PTCH2: variants seen among roughly 807,000 people sequenced by gnomAD.
The protein encoded by PTCH2 is patched 2, also known as protein patched homolog 2.
PTCH2 carries 96 observed loss-of-function variants against 117.9 expected under a neutral mutation model. The observed-to-expected ratio is 0.81, with a 90% CI of 0.69 to 0.96. The LOEUF is 0.96. Among genes scored for constraint, PTCH2 ranks in the 50% least tolerant of loss-of-function variants. The probability of loss-of-function intolerance (pLI) is 0.00; values close to 1 mark genes in which losing one functional copy is unlikely to be tolerated. For synonymous variants in PTCH2, 615 were observed against 660.9 expected, an observed-to-expected ratio of 0.93 and a Z score of 1.06; for missense variants, 1,379 against 1,562.5, an observed-to-expected ratio of 0.88 and a Z score of 1.98.
chr1:44,820,616 A>G, downstream of PTCH2: 1 of 694,616 alleles, frequency 1.4e-6, no homozygotes, highest in Non-Finnish European at 2.7e-6. Context: ...AGGGACCCGA[A>G]GACCAATTCA....
chr1:44,826,181 G>A lies in PTCH2; in HGVS notation c.3114+69C>T. On this transcript the variant is annotated intron_variant, in intron 19 of 21. Transcript: ENST00000372192. This position sits in a 1 kb window ranked among gnomAD's most constrained non-coding sequence, Gnocchi z 5.1. ...CTTAAATAGTACCTAGCACATAGTA[G>A]GGGCTTGAACAATATGTGTTGAATA... is the stretch of plus-strand genomic sequence containing the variant. The A allele has an allele frequency of 6.4e-7, 1 of 1,564,220 alleles. No homozygotes were observed. Among genetic ancestry groups the A allele is most frequent in the Non-Finnish European group, 8.7e-7 (1 of 1,150,376 alleles).
intron 2 of PTCH2, among the ~76,000 whole-genome samples, chr1:44,835,572 G>A (rs1002964445): frequency 2.0e-5 from 3 of 152,148 alleles, no homozygotes; most frequent in Non-Finnish European, 4.4e-5. Flanking sequence ...ACTCTTCGGG[G>A]GAAAGCAACA....
At chr1:44,841,641 A>G (rs1208574537) in intron 2 of PTCH2, among the ~76,000 whole-genome samples, 1 of 152,230 alleles carries the variant, frequency 6.6e-6, no homozygotes, top group Non-Finnish European at 1.5e-5. Context: ...TATACACCCA[A>G]TTCACAAGGT....
intron 11 of PTCH2, 55 bp downstream of exon 11, chr1:44,828,927 C>T (rs1653289849): frequency 4.6e-6 from 7 of 1,524,460 alleles, no homozygotes; most frequent in Non-Finnish European, 6.2e-6. Flanking sequence ...AACCAAGAGG[C>T]TCTTAACCAG....
At chr1:44,820,738 C>T, downstream of PTCH2, 1 of 718,192 alleles carries the variant, frequency 1.4e-6, no homozygotes, top group Non-Finnish European at 2.6e-6. Context: ...CTTAGTGAGG[C>T]TGGCTAACTT....
In PTCH2 at chr1:44,828,292, G is replaced by A. The variant is rs1164904077; in HGVS notation, c.1709+4C>T. The A allele has an allele frequency of 6.2e-7, 1 of 1,613,874 alleles. No individual in the cohort carries two copies. Among genetic ancestry groups the A allele is most frequent in the Non-Finnish European group, 8.5e-7 (1 of 1,179,828 alleles). On this transcript the variant is annotated splice_donor_region_variant and intron_variant, in intron 13 of 21. Coordinates refer to ENST00000372192, the MANE Select transcript of PTCH2 (RefSeq NM_003738.5). ...GGAGGAAGGGGCTGGGGCGCAGGCA[G>A]TACCTGGAGAAGCAGCAGAGCACAT... is the stretch of plus-strand genomic sequence containing the variant.
In PTCH2 at chr1:44,823,015, C is replaced by T; in HGVS notation, c.3357+54G>A. 3.2e-6 allele frequency: 5 copies of T among 1,568,406 alleles called. No homozygotes were observed. In the South Asian group the frequency reaches 5.7e-5, roughly 18 times the overall value. Reference sequence around the variant, plus strand: ...GGCTCTGTCCCTTCCCTTGCCTCTCCCTACCCCGTCCCTTGGGCTGGGAGT... The same window carrying T: ...GGCTCTGTCCCTTCCCTTGCCTCTCTCTACCCCGTCCCTTGGGCTGGGAGT... On this transcript the variant is annotated intron_variant, in intron 21 of 21. Coordinates refer to ENST00000372192, the MANE Select transcript of PTCH2 (RefSeq NM_003738.5). The surrounding 1 kb of genome is among the most constrained non-coding windows in gnomAD (Gnocchi z 5.1).
rs1041807103 is a variant in PTCH2, at chr1:44,842,568, C to T, written c.72+293G>A. On this transcript the variant is annotated intron_variant, in intron 1 of 21. Transcript: ENST00000372192. ...TTGGGATTACAGGCGTGAGTCACCG[C>T]GCCCGGCCGGCATAGGCCCATTTTC... Among the ~76,000 whole-genome samples, 10 of 152,316 alleles carry T rather than the reference C, an allele frequency of 6.6e-5. No homozygotes were observed. The East Asian group carries it at 1.9e-3, about 29-fold the overall frequency.
rs780267034 is a variant in PTCH2, at chr1:44,826,546, A to ACCAGCAGGATGCAGACGG, written c.2900_2917dup (p.Ala967_Leu972dup). On this transcript the variant is annotated inframe_insertion, in exon 18 of 22. Coordinates refer to ENST00000372192, the MANE Select transcript of PTCH2 (RefSeq NM_003738.5). The surrounding 1 kb of genome is among the most constrained non-coding windows in gnomAD (Gnocchi z 5.1). ...CAGAGCACAGACGAGGAAAGTGCAC[A>ACCAGCAGGATGCAGACGG]CCAGCAGGATGCAGACGGCCAGCAG... is the stretch of plus-strand genomic sequence containing the variant. The ACCAGCAGGATGCAGACGG allele has an allele frequency of 1.9e-6, 3 of 1,613,588 alleles. No homozygotes were observed. Among genetic ancestry groups the ACCAGCAGGATGCAGACGG allele is most frequent in the African/African-American group, 2.7e-5 (2 of 74,924 alleles).
chr1:44,831,639 G>A lies in PTCH2; in HGVS notation c.617+67C>T. ...AGGTTTTGATCATCCTCATTCCCCA[G>A]ACCCCTCCTTTCTGCTGGGAGAGTC... On this transcript the variant is annotated intron_variant, in intron 5 of 21. Transcript: ENST00000372192. This position sits in a 1 kb window ranked among gnomAD's most constrained non-coding sequence, Gnocchi z 4.3. 1 of 1,435,302 alleles carries A rather than the reference G, an allele frequency of 7.0e-7. No homozygotes were observed. Among genetic ancestry groups the A allele is most frequent in the South Asian group, 1.2e-5 (1 of 81,636 alleles). The allele number at this position is 1,435,302 out of a possible 1,614,324, so 88.9% of individuals were successfully genotyped here. A position where few individuals can be genotyped will look rare whatever the true frequency, so the allele number is the denominator to read the frequency against.
At chr1:44,839,019 G>A (rs1298155574) in intron 2 of PTCH2, among the ~76,000 whole-genome samples, 1 of 152,054 alleles carries the variant, frequency 6.6e-6, no homozygotes, top group Non-Finnish European at 1.5e-5. Flanking sequence ...GTGAGCCACT[G>A]CACCCTGCCT....
intron 6 of PTCH2, among the ~76,000 whole-genome samples, 192 bp from the exon 7 acceptor site, chr1:44,830,222 G>C (rs928150037): frequency 8.7e-6 from 1 of 114,328 alleles, no homozygotes; most frequent in Non-Finnish European, 1.7e-5. Context: ...GCCCCAAGGG[G>C]AAGCAGAGGC....
In PTCH2 at chr1:44,826,235, G is replaced by A; in HGVS notation, c.3114+15C>T. On this transcript the variant is annotated intron_variant, in intron 19 of 21. Coordinates refer to ENST00000372192, the MANE Select transcript of PTCH2 (RefSeq NM_003738.5). This position sits in a 1 kb window ranked among gnomAD's most constrained non-coding sequence, Gnocchi z 5.1. ...AATCAGCTGATTGGTCCCTCCCCGGGGTGCCCGTGCTCACCAGAGCCACGT... is the reference window on the plus strand; with the variant it reads ...AATCAGCTGATTGGTCCCTCCCCGGAGTGCCCGTGCTCACCAGAGCCACGT... 6.2e-7 allele frequency: 1 copy of A among 1,613,494 alleles called. No homozygotes were observed. The highest frequency in any genetic ancestry group is 8.5e-7 in the Non-Finnish European group (1 of 1,179,836).
chr1:44,839,361 C>CAAAAAAAAAAAAAAAAAAAAAAAAA (rs57053705), intron 2 of PTCH2, among the ~76,000 whole-genome samples: 1 of 75,658 alleles, frequency 1.3e-5, no homozygotes, highest in Non-Finnish European at 2.6e-5. Context: ...GACTTACTCT[C>CAAAAAAAAAAAAAAAAAAAAAAAAA]AAAAAAAAAA....
At position 44,826,881 on chromosome 1, in the gene PTCH2, C is replaced by CTAATTTTTTGTATTTTTAGTAAAGACAG; in HGVS notation, c.2695+20_2695+21insCTGTCTTTACTAAAAATACAAAAAATTA. ...GTGTGGGCGAGGCTGAGGCTCTTGC[C>CTAATTTTTTGTATTTTTAGTAAAGACAG]GAGCTCCCCCCAAGACTCACTGCGA... On this transcript the variant is annotated intron_variant, in intron 17 of 21. Transcript: ENST00000372192. This position sits in a 1 kb window ranked among gnomAD's most constrained non-coding sequence, Gnocchi z 5.1. 1 of 1,613,778 alleles carries CTAATTTTTTGTATTTTTAGTAAAGACAG rather than the reference C, an allele frequency of 6.2e-7. No homozygotes were observed.
rs369587910 is a variant in PTCH2, at chr1:44,822,420, C to T, written c.3607G>A (p.Gly1203Arg). ...LSSRGPGPATG is the reference protein window; with the variant it reads ...LSSRGPGPATR ...TCTGTGCTTCAGCTGCTCTTTCACC[C>T]AGTGGCTGGACCTGGTCCCCTGGAA... Residue 1203 changes from glycine (G) to arginine (R), a missense_variant, in exon 22 of 22, where the codon GGG (glycine) becomes AGG (arginine). Coordinates refer to ENST00000372192, the MANE Select transcript of PTCH2 (RefSeq NM_003738.5). 14 of 1,613,672 alleles carry T rather than the reference C, an allele frequency of 8.7e-6. No homozygotes were observed. Among genetic ancestry groups the T allele is most frequent in the Middle Eastern group, 1.6e-4 (1 of 6,076 alleles).
In PTCH2 at chr1:44,823,932, T is replaced by C. The variant is rs1653028920; in HGVS notation, c.3115-547A>G. ...CAGCCTGGGCGACAGAGTGAGACCC[T>C]GTTTCAAACAAACAAACAAACAAAC... On this transcript the variant is annotated intron_variant, in intron 19 of 21. Transcript: ENST00000372192. The surrounding 1 kb of genome is among the most constrained non-coding windows in gnomAD (Gnocchi z 5.1). 7.0e-6 allele frequency among the ~76,000 whole-genome samples: 1 copy of C among 142,826 alleles called. No individual in the cohort carries two copies. The highest frequency in any genetic ancestry group is 2.8e-5 in the African/African-American group (1 of 35,160). The allele number at this position is 142,826 out of a possible 152,430, so 93.7% of individuals were successfully genotyped here.
chr1:44,832,355 C>A lies in PTCH2; in HGVS notation c.266-14G>T. The A allele has an allele frequency of 6.2e-7, 1 of 1,613,688 alleles. No individual in the cohort carries two copies. Among genetic ancestry groups the A allele is most frequent in the Non-Finnish European group, 8.5e-7 (1 of 1,179,974 alleles). On this transcript the variant is annotated splice_polypyrimidine_tract_variant and intron_variant, in intron 2 of 21. Transcript: ENST00000372192. ...CCCGGCTGCCCACTGCCAGAGCAAA[C>A]AGAGAAAGCTGGGGGGGAAAGGGCC...
At position 44,827,438 on chromosome 1, in the gene PTCH2, G is replaced by A. The variant is rs745750666; in HGVS notation, c.2335C>T (p.Arg779Cys). 4.3e-6 allele frequency: 7 copies of A among 1,613,960 alleles called. No homozygotes were observed. The highest frequency in any genetic ancestry group is 4.0e-5 in the African/African-American group (3 of 74,920). Residue 779 changes from arginine (R) to cysteine (C), a missense_variant, in exon 15 of 22, where the codon CGC (arginine) becomes TGC (cysteine). Physicochemically the swap from Arg to Cys is radical, Grantham distance 180 (BLOSUM62 -3). Transcript: ENST00000372192. The part of the protein sequence containing the change: ...VLPPPATQAP[R>C]TWLHYYRNWL... ...TTGCGGTAATAGTGCAGCCAGGTGC[G>A]GGGTGCCTGGGTGGCCGGTGGGGGC...
Sources: gnomAD v4.1 joint callset for allele counts (sites outside exome capture counted in the v4.1 genomes callset) on GRCh38, gnomAD v4.1.1 for gene constraint, Gnocchi (gnomAD v3.1) non-coding constraint, MANE v1.5 for transcripts, NCBI Gene and HGNC (gene_info 2026-07-23, HGNC 2026-07-21) for gene names.